EYS: variants seen among roughly 807,000 people sequenced by gnomAD.
EYS encodes protein eyes shut homolog.
Under a neutral mutation model 282.1 loss-of-function variants are expected in EYS, and 250 were observed. That is an observed-to-expected ratio of 0.89 (90% CI 0.80 to 0.98). EYS has a LOEUF of 0.98. Among genes scored for constraint, EYS ranks in the 50% least tolerant of loss-of-function variants. EYS has a pLI of 0.00. For synonymous variants in EYS, 1,355 were observed against 1,282.9 expected, an observed-to-expected ratio of 1.06 and a Z score of -1.20; for missense variants, 4,016 against 3,709.0, an observed-to-expected ratio of 1.08 and a Z score of -2.15.
chr6:65,547,713 CTG>C (rs1479303317), intron 2 of EYS, among the ~76,000 whole-genome samples: 1 of 152,050 alleles, frequency 6.6e-6, no homozygotes. Context: ...TGAAAATTGT[CTG>C]TATCTTTTGG....
intron 13 of EYS, among the ~76,000 whole-genome samples, chr6:65,009,560 C>T (rs1178354938): frequency 6.6e-6 from 1 of 152,180 alleles, no homozygotes; most frequent in Non-Finnish European, 1.5e-5. Flanking sequence ...AACGTCTCAA[C>T]TCACCTGGAC....
At chr6:65,318,190 C>T (rs1290537986) in intron 11 of EYS, among the ~76,000 whole-genome samples, 2 of 150,790 alleles carry the variant, frequency 1.3e-5, no homozygotes, top group Non-Finnish European at 3.0e-5. Context: ...TTTTTTTTAC[C>T]GTGCAGTCCT....
At chr6:64,618,035 C>A (rs1054723168) in intron 23 of EYS, among the ~76,000 whole-genome samples, 5 of 152,014 alleles carry the variant, frequency 3.3e-5, no homozygotes, top group Non-Finnish European at 5.9e-5. Flanking sequence ...ATTTGTTATA[C>A]TGTGATTCTA....
At chr6:65,357,564 T>G (rs1407031495) in intron 8 of EYS, among the ~76,000 whole-genome samples, 2 of 152,022 alleles carry the variant, frequency 1.3e-5, no homozygotes, top group African/African-American at 2.4e-5. Flanking sequence ...TTTGGTTTAT[T>G]GGATGAACCA....
chr6:65,482,201 C>T (rs1765633512), intron 5 of EYS, among the ~76,000 whole-genome samples: 1 of 151,946 alleles, frequency 6.6e-6, no homozygotes, highest in Non-Finnish European at 1.5e-5. Context: ...TAATAGCAAC[C>T]TAGAATAAGC....
chr6:65,542,473 A>ATGTG (rs35318949), intron 2 of EYS, among the ~76,000 whole-genome samples: 1,605 of 146,528 alleles, frequency 0.011, 11 homozygotes, highest in African/African-American at 0.012. Flanking sequence ...TAACAATAGA[A>ATGTG]TGTGTGTGTG....
intron 18 of EYS, among the ~76,000 whole-genome samples, chr6:64,899,977 A>T (rs533978274): frequency 6.6e-6 from 1 of 152,304 alleles, no homozygotes; most frequent in South Asian, 2.1e-4. Flanking sequence ...CTGACTTCAA[A>T]CTATACTATA....
chr6:64,085,348 A>ACG (rs1772121281), intron 31 of EYS, among the ~76,000 whole-genome samples: 1 of 151,166 alleles, frequency 6.6e-6, no homozygotes, highest in African/African-American at 2.4e-5. Flanking sequence ...GCGCACACAC[A>ACG]CACACACACA....
chr6:63,882,362 C>A (rs897781745), intron 35 of EYS, among the ~76,000 whole-genome samples: 1 of 152,158 alleles, frequency 6.6e-6, no homozygotes, highest in Non-Finnish European at 1.5e-5. Context: ...ACTGTCACAT[C>A]GCATTTGGTT....
At chr6:65,082,335 G>A (rs894769686) in intron 12 of EYS, among the ~76,000 whole-genome samples, 1 of 151,844 alleles carries the variant, frequency 6.6e-6, no homozygotes, top group Non-Finnish European at 1.5e-5. Flanking sequence ...AATTATTTAT[G>A]AGTCATGTTC....
chr6:65,317,977 C>T (rs1769359187), intron 11 of EYS, among the ~76,000 whole-genome samples: 1 of 151,062 alleles, frequency 6.6e-6, no homozygotes, highest in Non-Finnish European at 1.5e-5. Context: ...AAGCAATTCT[C>T]CTGCCTCAGC....
intron 2 of EYS, among the ~76,000 whole-genome samples, chr6:65,616,081 C>G (rs1766190394): frequency 6.7e-6 from 1 of 148,776 alleles, no homozygotes; most frequent in Non-Finnish European, 1.5e-5. Context: ...TTTACTCTTA[C>G]AGTTTTTCAG....
intron 12 of EYS, among the ~76,000 whole-genome samples, chr6:65,102,486 C>G (rs1302002019): frequency 6.6e-6 from 1 of 151,014 alleles, no homozygotes; most frequent in Non-Finnish European, 1.5e-5. Context: ...ATGGCTCTTT[C>G]TACTTTTTTT....
intron 5 of EYS, among the ~76,000 whole-genome samples, chr6:65,467,518 C>T (rs1459526975): frequency 6.6e-6 from 1 of 151,732 alleles, no homozygotes; most frequent in African/African-American, 2.4e-5. Context: ...CACACACACA[C>T]ACATACACAC....
intron 26 of EYS, among the ~76,000 whole-genome samples, chr6:64,525,416 G>A (rs763399980): frequency 5.3e-5 from 8 of 151,622 alleles, no homozygotes; most frequent in South Asian, 2.1e-4. Context: ...GCAAACTAAC[G>A]CAGGGACAGA....
intron 5 of EYS, among the ~76,000 whole-genome samples, chr6:65,453,130 G>C (rs79162042): frequency 0.011 from 1,687 of 152,046 alleles, 26 homozygotes; most frequent in African/African-American, 0.038. Flanking sequence ...TGTGTGGTTG[G>C]TATGTATGGG....
intron 28 of EYS, among the ~76,000 whole-genome samples, chr6:64,397,597 A>G (rs1366354132): frequency 1.3e-5 from 2 of 151,810 alleles, no homozygotes; most frequent in African/African-American, 2.4e-5. Flanking sequence ...TGTTATTGGT[A>G]TTGGTTTTGG....
At chr6:65,057,572 G>T in intron 13 of EYS, 42 bp downstream of exon 13, 1 of 1,210,590 alleles carries the variant, frequency 8.3e-7, no homozygotes, top group Non-Finnish European at 1.2e-6. Context: ...GCTTTTTAAA[G>T]TTAATTATGT....
At chr6:64,926,771 C>T (rs2150084751) in intron 15 of EYS, among the ~76,000 whole-genome samples, 1 of 152,162 alleles carries the variant, frequency 6.6e-6, no homozygotes, top group South Asian at 2.1e-4. Context: ...AACAAAGCCT[C>T]CAATTACCCA....
Sources: allele counts gnomAD v4.1 joint callset (sites outside exome capture counted in the v4.1 genomes callset), GRCh38; gene constraint gnomAD v4.1.1; transcripts MANE v1.5; gene names NCBI Gene and HGNC (gene_info 2026-07-23, HGNC 2026-07-21).